Variants in AGO2 observed in about 807,000 individuals in gnomAD.
The protein encoded by AGO2 is protein argonaute-2.
A neutral mutation model predicts 102.3 loss-of-function variants in AGO2; 5 were observed. The observed-to-expected ratio is 0.05, with a 90% CI of 0.03 to 0.10. The LOEUF (loss-of-function observed/expected upper bound fraction) is 0.10, where lower values mean the gene tolerates loss of function less well. AGO2 is among the 10% of genes least tolerant of loss of function. The probability of loss-of-function intolerance (pLI) is 1.00; values close to 1 mark genes in which losing one functional copy is unlikely to be tolerated. For missense variants in AGO2, 541 were observed against 1,183.7 expected (o/e 0.46, Z 7.97); for synonymous variants, 449 against 473.1 (o/e 0.95, Z 0.66).
chr8:140,532,618 A>G lies in AGO2; in HGVS notation c.2272-3T>C, dbSNP rs780599354. 3 of 1,613,934 alleles carry G rather than the reference A, an allele frequency of 1.9e-6. No individual in the cohort carries two copies. In the South Asian group the frequency reaches 3.3e-5, roughly 18 times the overall value. ...TAGTGCGAAGGCCTGCTTGTCCCCT[A>G]AAGCAGATCAGAAGATTAGACAGTT... On this transcript the variant is annotated splice_region_variant and splice_polypyrimidine_tract_variant and intron_variant, in intron 17 of 18. Coordinates refer to ENST00000220592, the MANE Select transcript of AGO2 (RefSeq NM_012154.5).
At chr8:140,609,393 G>T (rs1335398987) in intron 1 of AGO2, among the ~76,000 whole-genome samples, 1 of 152,244 alleles carries the variant, frequency 6.6e-6, no homozygotes, top group Non-Finnish European at 1.5e-5. Context: ...ACGCTTGGGG[G>T]TCAGCCTGTA....
chr8:140,568,916 G>T (rs1195431695), intron 3 of AGO2, among the ~76,000 whole-genome samples: 4 of 152,192 alleles, frequency 2.6e-5, no homozygotes, highest in Non-Finnish European at 5.9e-5. Flanking sequence ...GCCCTGAGAG[G>T]TTGCAGGTCA....
chr8:140,626,898 G>T (rs2074285558), intron 1 of AGO2: 1 of 152,294 alleles, frequency 6.6e-6, no homozygotes, highest in Non-Finnish European at 1.5e-5. Flanking sequence ...GAGGGGCAGG[G>T]AGGCCGCCAT....
At chr8:140,579,732 C>T (rs185418275) in intron 2 of AGO2, among the ~76,000 whole-genome samples, 114 of 151,962 alleles carry the variant, frequency 7.5e-4, no homozygotes, top group African/African-American at 2.2e-3. Context: ...AGAAGGAGAA[C>T]GGGTGGGTCA....
chr8:140,597,465 G>A (rs1217239883), intron 1 of AGO2, among the ~76,000 whole-genome samples: 3 of 79,290 alleles, frequency 3.8e-5, no homozygotes, highest in African/African-American at 9.8e-5. Context: ...GGGGCTGGGT[G>A]GCCCCCCCAC....
rs1161820397 is a variant in AGO2 at position 140,525,620 on chromosome 8, A to G, written c.*6424T>C. ...AATTGCTTCCAGGTAGTGACGTAGT[A>G]GAACCGCCGGGGCCAAACTCAATGT... On this transcript the variant is annotated 3_prime_UTR_variant, in exon 19 of 19. Transcript: ENST00000220592. The G allele has an allele frequency of 6.6e-6, 1 of 152,288 alleles. No homozygotes were observed. The highest frequency in any genetic ancestry group is 1.5e-5 in the Non-Finnish European group (1 of 68,088). 9.4% of individuals were successfully genotyped at this position (152,288 alleles called of 1,614,324 possible). A position where few individuals can be genotyped will look rare whatever the true frequency, so the allele number is the denominator to read the frequency against.
chr8:140,544,157 C>A, intron 14 of AGO2, 56 bp downstream of exon 14: 1 of 1,499,936 alleles, frequency 6.7e-7, no homozygotes, highest in South Asian at 1.3e-5. Flanking sequence ...AGTGGGACTT[C>A]GACAGCGTCC....
rs766845681 is a variant in AGO2 at position 140,558,478 on chromosome 8, G to A, written c.878+7C>T. On this transcript the variant is annotated splice_region_variant and intron_variant, in intron 7 of 18. Coordinates refer to ENST00000220592, the MANE Select transcript of AGO2 (RefSeq NM_012154.5). Reference sequence around the variant, plus strand: ...GCCAAGAGAGTCTGAAAGGAAGGGCGTGTTACGTTTGGTGACTGGCGGGCC... The same window carrying A: ...GCCAAGAGAGTCTGAAAGGAAGGGCATGTTACGTTTGGTGACTGGCGGGCC... 2.5e-5 allele frequency: 40 copies of A among 1,614,048 alleles called. No individual in the cohort carries two copies. Among genetic ancestry groups the A allele is most frequent in the East Asian group, 1.8e-4 (8 of 44,888 alleles).
rs1255986052 is a variant in AGO2 at position 140,547,527 on chromosome 8, G to A, written c.1689C>T (p.Leu563=). 1 of 1,614,088 alleles carries A rather than the reference G, an allele frequency of 6.2e-7. No individual in the cohort carries two copies. The highest frequency in any genetic ancestry group is 2.2e-5 in the East Asian group (1 of 44,892). ...CCAGCTTGACGTTGATCTTCAGGCA[G>A]AGGTTGGACAGGGTCTGTGGCGTGG... is the stretch of plus-strand genomic sequence containing the variant. ...QRTTPQTLSN[L]CLKINVKLGG... Residue 563 remains leucine (L), a synonymous_variant, in exon 13 of 19, where the codon CTC becomes CTT. Coordinates refer to ENST00000220592, the MANE Select transcript of AGO2 (RefSeq NM_012154.5).
At chr8:140,537,943 C>A (rs1250074080) in intron 16 of AGO2, among the ~76,000 whole-genome samples, 1 of 152,096 alleles carries the variant, frequency 6.6e-6, no homozygotes, top group Non-Finnish European at 1.5e-5. Context: ...CTCAGCCTCC[C>A]GAGTACCTGG....
In AGO2 at chr8:140,547,453, G is replaced by T; in HGVS notation, c.1748+15C>A. On this transcript the variant is annotated intron_variant, in intron 13 of 18. Transcript: ENST00000220592. ...GCCCTGGTCCGCAGGCGGAGGTAAA[G>T]GGGCCGGGCCTCACCTGCCCTGGGG... 3 of 1,612,210 alleles carry T rather than the reference G, an allele frequency of 1.9e-6. No homozygotes were observed. Among genetic ancestry groups the T allele is most frequent in the Non-Finnish European group, 2.5e-6 (3 of 1,178,918 alleles).
chr8:140,552,079 T>G (rs2073009197), intron 10 of AGO2, among the ~76,000 whole-genome samples: 1 of 152,144 alleles, frequency 6.6e-6, no homozygotes, highest in Non-Finnish European at 1.5e-5. Flanking sequence ...GGAAGAGAAG[T>G]GCCTTGCCAT....
rs145155456 is a variant in AGO2, at chr8:140,560,308, G to A, written c.655+66C>T. On this transcript the variant is annotated intron_variant, in intron 5 of 18. Transcript: ENST00000220592. ...GCTGGCCACATGCCACCCCCCGACC[G>A]GGGTCCTGACCCCCCAGCCCATGCC... 6.0e-4 allele frequency: 938 copies of A among 1,570,906 alleles called. 5 individuals carry two copies. In the African/African-American group the frequency reaches 0.011, roughly 19 times the overall value.
chr8:140,615,451 C>G (rs766232705), intron 1 of AGO2, among the ~76,000 whole-genome samples: 1 of 152,266 alleles, frequency 6.6e-6, no homozygotes, highest in Admixed American at 6.5e-5. Flanking sequence ...GGCCCCGGCC[C>G]AGGCAGTGTT....
intron 1 of AGO2, among the ~76,000 whole-genome samples, chr8:140,601,829 A>G (rs79364552): frequency 0.16 from 23,784 of 152,164 alleles, 2,465 homozygotes; most frequent in Admixed American, 0.3. Context: ...AATATTTTCT[A>G]CCCCTAGGTT....
At position 140,539,554 on chromosome 8, in the gene AGO2, GAT is replaced by G; in HGVS notation, c.2035-102_2035-101del. 2 of 1,373,228 alleles carry G rather than the reference GAT, an allele frequency of 1.5e-6. No individual in the cohort carries two copies. The highest frequency in any genetic ancestry group is 2.9e-5 in the African/African-American group (2 of 69,106). 85.1% of individuals were successfully genotyped at this position (1,373,228 alleles called of 1,614,324 possible). ...TGGGTTGAGAACACCCAGCCGTGGT[GAT>G]TCTGAGAGACAATGAGTGTGTTCAC... On this transcript the variant is annotated intron_variant, in intron 15 of 18. Transcript: ENST00000220592. This position sits in a 1 kb window ranked among gnomAD's most constrained non-coding sequence, Gnocchi z 4.7.
chr8:140,522,473 A>G lies in AGO2; in HGVS notation c.*9571T>C, dbSNP rs2132828492. On this transcript the variant is annotated 3_prime_UTR_variant, in exon 19 of 19. Coordinates refer to ENST00000220592, the MANE Select transcript of AGO2 (RefSeq NM_012154.5). ...TTAGAACATGAGCAGGTTTGCAAAT[A>G]AGACCTACGCCCAAATCACACTCTC... 6.6e-6 allele frequency: 1 copy of G among 151,918 alleles called. No individual in the cohort carries two copies. Among genetic ancestry groups the G allele is most frequent in the Middle Eastern group, 3.4e-3 (1 of 294 alleles). 9.4% of individuals were successfully genotyped at this position (151,918 alleles called of 1,614,324 possible).
intron 16 of AGO2, among the ~76,000 whole-genome samples, chr8:140,537,127 T>C (rs10096598): frequency 0.22 from 33,985 of 152,144 alleles, 4,276 homozygotes; most frequent in East Asian, 0.31. Flanking sequence ...CTACTGTTGA[T>C]TTAAAATTTA....
chr8:140,533,362 C>G (rs895964670), intron 17 of AGO2, among the ~76,000 whole-genome samples: 2 of 144,756 alleles, frequency 1.4e-5, no homozygotes, highest in African/African-American at 5.1e-5. Flanking sequence ...GCACTCCAGC[C>G]TAGGGGACAG....
Sources: gnomAD v4.1 joint callset for allele counts (sites outside exome capture counted in the v4.1 genomes callset) on GRCh38, gnomAD v4.1.1 for gene constraint, Gnocchi (gnomAD v3.1) non-coding constraint, MANE v1.5 for transcripts, NCBI Gene and HGNC (gene_info 2026-07-23, HGNC 2026-07-21) for gene names.